The following TANGO2 variants were observed in gnomAD, a reference collection of about 807,000 sequenced individuals.
The protein encoded by TANGO2 is transport and Golgi organization protein 2 homolog.
Under a neutral mutation model 39.1 loss-of-function variants are expected in TANGO2, and 26 were observed. The observed-to-expected ratio is 0.67, with a 90% CI of 0.49 to 0.92. The LOEUF is 0.92. Ranked by LOEUF, TANGO2 falls within the 40% of genes least tolerant of loss-of-function variation. The pLI, the probability that TANGO2 is intolerant of heterozygous loss-of-function variation, is 0.00. For synonymous variants in TANGO2, 131 were observed against 144.5 expected, an observed-to-expected ratio of 0.91 and a Z score of 0.67; for missense variants, 326 against 360.1, an observed-to-expected ratio of 0.91 and a Z score of 0.77.
chr22:20,031,305 G>T (rs2041814964), intron 1 of TANGO2, among the ~76,000 whole-genome samples: 2 of 152,222 alleles, frequency 1.3e-5, no homozygotes, highest in Admixed American at 1.3e-4. Flanking sequence ...GCTGCAGTGA[G>T]CTATGATCAC....
At chr22:20,063,218 C>A in intron 7 of TANGO2, 120 bp from the exon 8 acceptor site, 1 of 710,306 alleles carries the variant, frequency 1.4e-6, no homozygotes. Context: ...AAAGAAACAA[C>A]CCTTGCAGTT....
upstream of TANGO2, among the ~76,000 whole-genome samples, chr22:20,020,348 A>G (rs774282875): frequency 6.6e-6 from 1 of 152,182 alleles, no homozygotes; most frequent in Non-Finnish European, 1.5e-5. Flanking sequence ...ACATAGGCCC[A>G]GGCACAGCCC....
chr22:20,039,605 G>C (rs544809030), intron 2 of TANGO2, among the ~76,000 whole-genome samples: 24 of 151,984 alleles, frequency 1.6e-4, no homozygotes, highest in Admixed American at 1.1e-3. Context: ...CTCCAGCCTG[G>C]ATGACAGAGT....
chr22:20,036,827 C>T lies in TANGO2; in HGVS notation c.29C>T (p.Pro10Leu). Residue 10 changes from proline to leucine, a missense_variant, in exon 2 of 9, where the codon CCT becomes CTT. Coordinates refer to ENST00000327374, the MANE Select transcript of TANGO2 (RefSeq NM_152906.7). Reference sequence around the variant, plus strand: ...TGCATCATCTTCTTTAAGTTTGATCCTCGCCCTGTTTCCAAAAACGCGTAC... The same window carrying T: ...TGCATCATCTTCTTTAAGTTTGATCTTCGCCCTGTTTCCAAAAACGCGTAC... MCIIFFKFD[P>L]RPVSKNAYRL... 6.2e-7 allele frequency: 1 copy of T among 1,614,264 alleles called. No individual in the cohort carries two copies. The highest frequency in any genetic ancestry group is 8.5e-7 in the Non-Finnish European group (1 of 1,180,050).
At chr22:20,017,780 C>T (rs1945304158), upstream of TANGO2, among the ~76,000 whole-genome samples, 1 of 152,228 alleles carries the variant, frequency 6.6e-6, no homozygotes, top group African/African-American at 2.4e-5. Flanking sequence ...GACCCTCCGC[C>T]AGCTCTGCGT....
In TANGO2 at chr22:20,064,728, A is replaced by C. The variant is rs1451698137; in HGVS notation, c.*66A>C. The C allele has an allele frequency of 1.9e-6, 3 of 1,593,316 alleles. No individual in the cohort carries two copies. The African/African-American group carries it at 4.0e-5, about 21-fold the overall frequency. ...TGCCTTGAGGGGCACTGTGGACAGGAAACCTTCCTTTGCCATACTGCATTG... is the reference window on the plus strand; with the variant it reads ...TGCCTTGAGGGGCACTGTGGACAGGCAACCTTCCTTTGCCATACTGCATTG... On this transcript the variant is annotated 3_prime_UTR_variant, in exon 9 of 9. Transcript: ENST00000327374.
chr22:20,026,397 CAAAAA>C (rs34580239), intron 1 of TANGO2, among the ~76,000 whole-genome samples: 1 of 137,872 alleles, frequency 7.3e-6, no homozygotes. Context: ...GACTTCGTCT[CAAAAA>C]AAAAAAAAAA....
At chr22:20,054,799 A>G (rs1253066574) in intron 5 of TANGO2, 1 of 152,438 alleles carries the variant, frequency 6.6e-6, no homozygotes, top group Non-Finnish European at 1.5e-5. Context: ...TGTCATGGCC[A>G]CAGCTATCCC....
At chr22:20,050,660 C>CTT (rs74915154) in intron 3 of TANGO2, among the ~76,000 whole-genome samples, 1,393 of 128,688 alleles carry the variant, frequency 0.011, 23 homozygotes, top group African/African-American at 0.037. Flanking sequence ...CTGCACCCGG[C>CTT]TTTTTTTTTT....
At chr22:20,019,865 T>C (rs1601740602), upstream of TANGO2, among the ~76,000 whole-genome samples, 1 of 152,264 alleles carries the variant, frequency 6.6e-6, no homozygotes, top group South Asian at 2.1e-4. Context: ...TCTGGCTGGG[T>C]CTGCGGCCCG....
At chr22:20,019,209 G>A (rs1175941586), upstream of TANGO2, 2 of 152,224 alleles carry the variant, frequency 1.3e-5, no homozygotes, top group Admixed American at 6.5e-5. Context: ...GAGGCCCCCG[G>A]AGAAAGCCAC....
intron 6 of TANGO2, chr22:20,056,931 G>A (rs1267927786): frequency 4.4e-6 from 2 of 456,552 alleles, no homozygotes; most frequent in South Asian, 3.1e-5. Flanking sequence ...AGGGTGTTCC[G>A]GCGCCTGGGG....
Position 20,064,563 on chromosome 22 carries a change from A to T in TANGO2, c.732A>T (p.Val244=). The T allele has an allele frequency of 1.2e-6, 2 of 1,614,158 alleles. No homozygotes were observed. Among genetic ancestry groups the T allele is most frequent in the Non-Finnish European group, 1.7e-6 (2 of 1,180,000 alleles). ...YGTRTNTIIL[V]DADGHVTFTE... is the part of the protein sequence containing the mutation. ...TCAGAACCAACACTATCATCCTGGT[A>T]GATGCGGACGGCCACGTGACCTTCA... Residue 244 remains valine (V), a synonymous_variant, in exon 9 of 9, where the codon GTA becomes GTT. Transcript: ENST00000327374.
chr22:20,050,358 G>GTT (rs1569303308), intron 3 of TANGO2, among the ~76,000 whole-genome samples: 1 of 116,802 alleles, frequency 8.6e-6, no homozygotes, highest in Admixed American at 1.1e-4. Flanking sequence ...TTTCCTGGTG[G>GTT]TTTTTTTTTT....
chr22:20,048,073 T>G (rs1345844726), intron 3 of TANGO2: 1 of 152,110 alleles, frequency 6.6e-6, no homozygotes, highest in East Asian at 1.9e-4. Context: ...TACAGCCGCT[T>G]GCCACCACGC....
At chr22:20,061,811 G>C in intron 7 of TANGO2, 128 bp downstream of exon 7, 1 of 1,223,388 alleles carries the variant, frequency 8.2e-7, no homozygotes. Flanking sequence ...CAGGGAAGCT[G>C]ATGGATATCC....
chr22:20,037,097 A>C (rs756350060), intron 2 of TANGO2: 1 of 1,520,408 alleles, frequency 6.6e-7, no homozygotes, highest in Non-Finnish European at 8.8e-7. Flanking sequence ...AGCCACAGGT[A>C]GGACAGAGGA....
intron 1 of TANGO2, among the ~76,000 whole-genome samples, chr22:20,023,327 G>A (rs4819855): frequency 0.2 from 30,261 of 151,938 alleles, 3,873 homozygotes; most frequent in South Asian, 0.3. Flanking sequence ...CACTCAGGCC[G>A]CAGGGGCCGC....
intron 1 of TANGO2, among the ~76,000 whole-genome samples, chr22:20,032,940 G>C (rs1304211541): frequency 1.3e-5 from 2 of 152,232 alleles, no homozygotes; most frequent in African/African-American, 4.8e-5. Context: ...AGGCATGAGA[G>C]GGTGTTGGAA....
Sources: gnomAD v4.1 joint callset for allele counts (sites outside exome capture counted in the v4.1 genomes callset) on GRCh38, gnomAD v4.1.1 for gene constraint, MANE v1.5 for transcripts, NCBI Gene and HGNC (gene_info 2026-07-23, HGNC 2026-07-21) for gene names.